Variants in HID1 observed in about 807,000 individuals in gnomAD.
HID1 encodes the protein HID1 domain containing.
A neutral mutation model predicts 89.7 loss-of-function variants in HID1; 42 were observed. The ratio of observed to expected loss-of-function variants is 0.47; its 90% confidence interval spans 0.37 to 0.61. HID1 has a LOEUF of 0.61. Ranked by LOEUF, HID1 falls within the 20% of genes least tolerant of loss-of-function variation. The pLI, the probability that HID1 is intolerant of heterozygous loss-of-function variation, is 0.00. For missense variants in HID1, 854 were observed against 1,039.3 expected, an observed-to-expected ratio of 0.82 and a Z score of 2.45; for synonymous variants, 442 against 433.8, an observed-to-expected ratio of 1.02 and a Z score of -0.24.
In HID1 at chr17:74,960,268, A is replaced by G; in HGVS notation, c.729-20T>C. On this transcript the variant is annotated intron_variant, in intron 6 of 18. Coordinates refer to ENST00000425042, the MANE Select transcript of HID1 (RefSeq NM_030630.3). ...GCATGTCTGCAGCAGGAGAGGGACAAGGCTGCAGAGGCTGCACTGGGGCCC... is the reference window on the plus strand; with the variant it reads ...GCATGTCTGCAGCAGGAGAGGGACAGGGCTGCAGAGGCTGCACTGGGGCCC... The G allele has an allele frequency of 6.3e-7, 1 of 1,584,230 alleles. No homozygotes were observed. The highest frequency in any genetic ancestry group is 8.6e-7 in the Non-Finnish European group (1 of 1,166,860).
At chr17:74,971,566 C>T (rs2039647880) in intron 1 of HID1, among the ~76,000 whole-genome samples, 1 of 152,116 alleles carries the variant, frequency 6.6e-6, no homozygotes, top group Admixed American at 6.5e-5. Context: ...TAACCTCCAG[C>T]AGCAAGAGAG....
At position 74,964,532 on chromosome 17, in the gene HID1, C is replaced by T. The variant is rs761235028; in HGVS notation, c.167G>A (p.Arg56Gln). The change falls in exon 2 of 19, where the codon CGG becomes CAG. Residue 56 changes from arginine to glutamine, a missense_variant. Coordinates refer to ENST00000425042, the MANE Select transcript of HID1 (RefSeq NM_030630.3). The stretch of plus-strand genomic sequence containing the variant: ...GGAGGGTGACTCTTCCCGCACGGCC[C>T]GGATCTCTGCTGCCGGCACCAGTGC... ...VFALVPAAEIRAVREESPSNL... is the reference protein window; with the variant it reads ...VFALVPAAEIQAVREESPSNL... The T allele has an allele frequency of 6.2e-6, 10 of 1,609,846 alleles. No homozygotes were observed. Among genetic ancestry groups the T allele is most frequent in the Admixed American group, 1.7e-5 (1 of 59,476 alleles).
intron 12 of HID1, among the ~76,000 whole-genome samples, chr17:74,956,408 T>C (rs772262388): frequency 5.3e-5 from 8 of 152,116 alleles, no homozygotes; most frequent in Non-Finnish European, 7.4e-5. Context: ...ACTAGAGGTG[T>C]ATTTTGGGAC....
At chr17:74,971,367 T>C (rs980666010) in intron 1 of HID1, among the ~76,000 whole-genome samples, 6 of 152,138 alleles carry the variant, frequency 3.9e-5, no homozygotes, top group African/African-American at 1.4e-4. Context: ...CCAGGAGCCG[T>C]AGGGAATGGA....
Position 74,952,023 on chromosome 17 carries a change from G to A in HID1, c.2185C>T (p.His729Tyr). ...GGCAGCAGCCCCACCAGGGTGCCAT[G>A]CTGCAGGAACCGCAGGATCTCAGAC... Reference protein sequence around the residue: ...DESEILRFLQHGTLVGLLPVP... With the variant: ...DESEILRFLQYGTLVGLLPVP... Residue 729 changes from histidine (H) to tyrosine (Y), a missense_variant, in exon 18 of 19, where the codon CAT becomes TAT. Transcript: ENST00000425042. The A allele has an allele frequency of 6.4e-7, 1 of 1,559,620 alleles. No individual in the cohort carries two copies. Among genetic ancestry groups the A allele is most frequent in the South Asian group, 1.2e-5 (1 of 84,634 alleles).
At chr17:74,956,966 T>C (rs2039400206) in intron 12 of HID1, among the ~76,000 whole-genome samples, 1 of 152,174 alleles carries the variant, frequency 6.6e-6, no homozygotes, top group Non-Finnish European at 1.5e-5. Flanking sequence ...CCCAACACAG[T>C]GGACATCAGC....
chr17:74,955,272 T>C (rs941413390), intron 13 of HID1, among the ~76,000 whole-genome samples: 2 of 152,226 alleles, frequency 1.3e-5, no homozygotes, highest in Admixed American at 1.3e-4. Context: ...AGGCCAGATG[T>C]GGCGGCTCAT....
At position 74,962,614 on chromosome 17, in the gene HID1, G is replaced by C. The variant is rs1329497663; in HGVS notation, c.505-274C>G. On this transcript the variant is annotated intron_variant, in intron 4 of 18. Transcript: ENST00000425042. The surrounding 1 kb of genome is among the most constrained non-coding windows in gnomAD (Gnocchi z 4.3). ...AGGGAGAAAGGGAGGGAGGGGCAGG[G>C]GATTGGGTGCCCCGGGTTTGGGGGT... Among the ~76,000 whole-genome samples, 1 of 152,202 alleles carries C rather than the reference G, an allele frequency of 6.6e-6. No individual in the cohort carries two copies. Among genetic ancestry groups the C allele is most frequent in the Non-Finnish European group, 1.5e-5 (1 of 68,028 alleles).
chr17:74,963,438 T>A, intron 3 of HID1: 1 of 505,108 alleles, frequency 2.0e-6, no homozygotes, highest in East Asian at 3.4e-5. Context: ...GACAGTGTGG[T>A]CCCTCTCCGG....
chr17:74,964,082 C>T, intron 2 of HID1, 172 bp from the exon 3 acceptor site: 1 of 668,182 alleles, frequency 1.5e-6, no homozygotes, highest in Non-Finnish European at 2.5e-6. Flanking sequence ...TGGGGTCGGC[C>T]AGCCTTGGGG....
At chr17:74,963,195 G>A (rs994476499) in intron 3 of HID1, 114 bp from the exon 4 acceptor site, 6 of 685,704 alleles carry the variant, frequency 8.8e-6, no homozygotes, top group African/African-American at 7.3e-5. Context: ...CCCATGGGCA[G>A]AGGAATGAAG....
At chr17:74,966,782 C>A (rs1328578185) in intron 1 of HID1, among the ~76,000 whole-genome samples, 1 of 151,558 alleles carries the variant, frequency 6.6e-6, no homozygotes, top group African/African-American at 2.4e-5. Context: ...TTTGTAGAGA[C>A]CCTATCTCTA....
rs2039647836 is a variant in HID1 at position 74,971,562 on chromosome 17, C to G, written c.66+1029G>C. 2.0e-5 allele frequency among the ~76,000 whole-genome samples: 3 copies of G among 152,256 alleles called. No individual in the cohort carries two copies. In the South Asian group the frequency reaches 6.2e-4, roughly 32 times the overall value. ...GGCTTCCTCCATCCCACTCTAACCT[C>G]CAGCAGCAAGAGAGAGCCCTGGAGA... is the stretch of plus-strand genomic sequence containing the variant. On this transcript the variant is annotated intron_variant, in intron 1 of 18. Coordinates refer to ENST00000425042, the MANE Select transcript of HID1 (RefSeq NM_030630.3).
In HID1 at chr17:74,972,751, G is replaced by A. The variant is rs556651973; in HGVS notation, c.-95C>T. 4,695 of 1,224,308 alleles carry A rather than the reference G, an allele frequency of 3.8e-3. 120 individuals carry two copies. The African/African-American group carries it at 0.063, about 16-fold the overall frequency. 75.8% of individuals were successfully genotyped at this position (1,224,308 alleles called of 1,614,324 possible). ...CAGCTCCGCGGCCCCCGCGGCTCTC[G>A]CAGGAGACAAGCGGCGCGCCCCGCC... is the stretch of plus-strand genomic sequence containing the variant. On this transcript the variant is annotated 5_prime_UTR_variant, in exon 1 of 19. Transcript: ENST00000425042. This position sits in a 1 kb window ranked among gnomAD's most constrained non-coding sequence, Gnocchi z 6.4.
In HID1 at chr17:74,963,848, G is replaced by C; in HGVS notation, c.279C>G (p.Ile93Met). Residue 93 changes from isoleucine (I) to methionine (M), a missense_variant, in exon 3 of 19, where the codon ATC becomes ATG. Transcript: ENST00000425042. Reference protein sequence around the residue: ...SGCHSEKEKQIVLNCSRLLTR... With the variant: ...SGCHSEKEKQMVLNCSRLLTR... ...TGAGCAGCCGGCTGCAGTTCAGGAC[G>C]ATCTGCTTCTCCTTCTCCGAGTGGC... 6.2e-7 allele frequency: 1 copy of C among 1,614,076 alleles called. No homozygotes were observed. Among genetic ancestry groups the C allele is most frequent in the Non-Finnish European group, 8.5e-7 (1 of 1,180,018 alleles).
intron 17 of HID1, 94 bp downstream of exon 17, chr17:74,952,175 T>A: frequency 6.6e-7 from 1 of 1,523,810 alleles, no homozygotes; most frequent in African/African-American, 1.4e-5. Context: ...AAGCCTAGGC[T>A]GGCCCCGCCC....
At chr17:74,957,724 AC>A (rs1250763792) in intron 12 of HID1, among the ~76,000 whole-genome samples, 1 of 151,610 alleles carries the variant, frequency 6.6e-6, no homozygotes, top group Non-Finnish European at 1.5e-5. Context: ...ACATGGCAAA[AC>A]CCCGTCTCTA....
chr17:74,957,884 G>C (rs2039414640), intron 12 of HID1: 1 of 472,592 alleles, frequency 2.1e-6, no homozygotes, highest in Non-Finnish European at 3.9e-6. Context: ...TGGGCGACAA[G>C]ACTGAGTGTG....
At chr17:74,953,483 C>G in intron 15 of HID1, 62 bp downstream of exon 15, 1 of 1,398,216 alleles carries the variant, frequency 7.2e-7, no homozygotes, top group Non-Finnish European at 1.0e-6. Context: ...GCCCCTACTG[C>G]AGAGACCAGG....
Sources: gnomAD v4.1 joint callset for allele counts (sites outside exome capture counted in the v4.1 genomes callset) on GRCh38, gnomAD v4.1.1 for gene constraint, Gnocchi (gnomAD v3.1) non-coding constraint, MANE v1.5 for transcripts, NCBI Gene and HGNC (gene_info 2026-07-23, HGNC 2026-07-21) for gene names.